The following SPAG17 variants were observed in gnomAD, a reference collection of about 807,000 sequenced individuals.
SPAG17 encodes sperm-associated antigen 17.
In SPAG17, 169 loss-of-function variants were observed where a neutral mutation model predicts 273.6. The observed-to-expected ratio is 0.62, with a 90% CI of 0.55 to 0.70. The LOEUF is 0.70. SPAG17 is among the 30% of genes least tolerant of loss of function. The pLI is 0.00. For synonymous variants in SPAG17, 825 were observed against 873.2 expected (o/e 0.94, Z 0.97); for missense variants, 2,557 against 2,627.8 (o/e 0.97, Z 0.59).
chr1:118,093,236 A>C lies in SPAG17; in HGVS notation c.1093T>G (p.Tyr365Asp). 1 of 1,613,822 alleles carries C rather than the reference A, an allele frequency of 6.2e-7. No homozygotes were observed. The highest frequency in any genetic ancestry group is 8.5e-7 in the Non-Finnish European group (1 of 1,179,824). ...TTAATAAGCTGCATGCTTTCCAAAT[A>C]GTGCTGGTGCTGCCTTTTCCAATCC... Reference protein sequence around the residue: ...ILDWKRQHQHYLESMQLINVP... With the variant: ...ILDWKRQHQHDLESMQLINVP... The change falls in exon 8 of 49, where the codon TAT (tyrosine) becomes GAT (aspartate). Residue 365 changes from tyrosine to aspartate, a missense_variant. Coordinates refer to ENST00000336338, the MANE Select transcript of SPAG17 (RefSeq NM_206996.4).
At chr1:118,113,502 G>A (rs140602709) in intron 4 of SPAG17, among the ~76,000 whole-genome samples, 12 of 152,058 alleles carry the variant, frequency 7.9e-5, no homozygotes, top group South Asian at 2.1e-4. Flanking sequence ...GTATTTTCCC[G>A]ATTGTATTCC....
intron 25 of SPAG17, among the ~76,000 whole-genome samples, chr1:118,030,762 G>T (rs1040018819): frequency 9.2e-5 from 14 of 152,094 alleles, no homozygotes; most frequent in African/African-American, 3.1e-4. Context: ...CCCTGCAAAG[G>T]ACATGAACTC....
intron 1 of SPAG17, among the ~76,000 whole-genome samples, chr1:118,171,872 A>G (rs1367400032): frequency 6.6e-6 from 1 of 152,206 alleles, no homozygotes; most frequent in Non-Finnish European, 1.5e-5. Flanking sequence ...GTGAGAAAAT[A>G]TAAGATTTGG....
At chr1:118,029,037 G>A (rs1341345443) in intron 25 of SPAG17, among the ~76,000 whole-genome samples, 2 of 152,020 alleles carry the variant, frequency 1.3e-5, no homozygotes, top group African/African-American at 4.8e-5. Flanking sequence ...ATCACCTGAG[G>A]CAAGGAGTTA....
intron 4 of SPAG17, among the ~76,000 whole-genome samples, chr1:118,111,361 C>G (rs1409402327): frequency 6.6e-6 from 1 of 152,082 alleles, no homozygotes; most frequent in Non-Finnish European, 1.5e-5. Flanking sequence ...ATAATCCACC[C>G]TCAAAGAATT....
intron 1 of SPAG17, among the ~76,000 whole-genome samples, chr1:118,166,717 A>G (rs964259496): frequency 6.6e-6 from 1 of 152,118 alleles, no homozygotes. Flanking sequence ...TGCAGGTGCT[A>G]TTTTGTCTAG....
chr1:118,112,636 C>A (rs1353304648), intron 4 of SPAG17, among the ~76,000 whole-genome samples: 1 of 151,952 alleles, frequency 6.6e-6, no homozygotes, highest in East Asian at 1.9e-4. Flanking sequence ...ATTTGGAGTT[C>A]ATCAACAAGG....
Position 117,988,184 on chromosome 1 carries a change from A to AAT in SPAG17, c.5540_5541dup (p.Leu1848IlefsTer40). Reference sequence around the variant, plus strand: ...GGCGTAGCCAAAGACTGCTTGAATAAATCAGTTAGGTGAGCTGCAACTTTA... The same window carrying AAT: ...GGCGTAGCCAAAGACTGCTTGAATAAATATCAGTTAGGTGAGCTGCAACTTTA... On this transcript the variant is annotated frameshift_variant, in exon 39 of 49. Transcript: ENST00000336338. LOFTEE classifies it high-confidence loss of function. The AAT allele has an allele frequency of 6.3e-7, 1 of 1,599,798 alleles. No homozygotes were observed. The highest frequency in any genetic ancestry group is 8.5e-7 in the Non-Finnish European group (1 of 1,176,320).
At chr1:118,022,887 T>C (rs1020352752) in intron 28 of SPAG17, among the ~76,000 whole-genome samples, 8 of 152,274 alleles carry the variant, frequency 5.3e-5, no homozygotes, top group Non-Finnish European at 1.0e-4. Flanking sequence ...CTTGCATTTA[T>C]TTGCCATCTT....
At chr1:118,045,342 T>C (rs372049652) in intron 20 of SPAG17, among the ~76,000 whole-genome samples, 99 of 152,218 alleles carry the variant, frequency 6.5e-4, no homozygotes, top group African/African-American at 2.2e-3. Flanking sequence ...AGCCAGAGAT[T>C]GAGTTAATAA....
At chr1:118,062,923 C>G (rs886941814) in intron 18 of SPAG17, among the ~76,000 whole-genome samples, 1 of 152,082 alleles carries the variant, frequency 6.6e-6, no homozygotes, top group African/African-American at 2.4e-5. Flanking sequence ...TATCTTTAAA[C>G]TATAAACTGT....
intron 1 of SPAG17, among the ~76,000 whole-genome samples, chr1:118,181,415 C>T (rs1660939091): frequency 6.6e-6 from 1 of 151,854 alleles, no homozygotes; most frequent in African/African-American, 2.4e-5. Flanking sequence ...CACTTTAGCT[C>T]TAAGGATATG....
At chr1:118,149,864 T>C (rs1051336529) in intron 3 of SPAG17, among the ~76,000 whole-genome samples, 1 of 152,204 alleles carries the variant, frequency 6.6e-6, no homozygotes, top group Non-Finnish European at 1.5e-5. Context: ...ATTTTTATAG[T>C]TTCTTGAAAG....
At chr1:118,030,351 C>T (rs954866483) in intron 25 of SPAG17, among the ~76,000 whole-genome samples, 1 of 151,504 alleles carries the variant, frequency 6.6e-6, no homozygotes, top group Non-Finnish European at 1.5e-5. Flanking sequence ...GTAGTAAGTA[C>T]CAATAGTCAA....
At chr1:118,148,360 AAAACAAAT>A (rs1659174001) in intron 3 of SPAG17, among the ~76,000 whole-genome samples, 1 of 152,180 alleles carries the variant, frequency 6.6e-6, no homozygotes, top group African/African-American at 2.4e-5. Context: ...AAAGAGCGAA[AAAACAAAT>A]CCTCCACACT....
intron 30 of SPAG17, among the ~76,000 whole-genome samples, chr1:118,010,388 T>A (rs1286453165): frequency 6.6e-6 from 1 of 151,954 alleles, no homozygotes; most frequent in Non-Finnish European, 1.5e-5. Flanking sequence ...TGGAACAGAA[T>A]AGAGAGCCCA....
chr1:117,964,156 C>T, intron 47 of SPAG17: 1 of 418,648 alleles, frequency 2.4e-6, no homozygotes. Context: ...GTGTACATTT[C>T]TCTCCTAACT....
chr1:117,959,351 A>G (rs1652711805), intron 48 of SPAG17: 1 of 1,613,874 alleles, frequency 6.2e-7, no homozygotes, highest in Non-Finnish European at 8.5e-7. Context: ...GCGAGGCAAA[A>G]AGTGAAGTTA....
At chr1:118,157,465 C>T (rs1268936094) in intron 1 of SPAG17, among the ~76,000 whole-genome samples, 2 of 152,124 alleles carry the variant, frequency 1.3e-5, no homozygotes, top group Non-Finnish European at 2.9e-5. Context: ...GTATAGAGAC[C>T]ACTGACAGGA....
Sources: gnomAD v4.1 joint callset for allele counts (sites outside exome capture counted in the v4.1 genomes callset) on GRCh38, gnomAD v4.1.1 for gene constraint, MANE v1.5 for transcripts, NCBI Gene and HGNC (gene_info 2026-07-23, HGNC 2026-07-21) for gene names.